SLC39A11: variants seen among roughly 807,000 people sequenced by gnomAD.
SLC39A11 encodes solute carrier family 39 member 11.
A neutral mutation model predicts 36.1 loss-of-function variants in SLC39A11; 33 were observed. The ratio of observed to expected loss-of-function variants is 0.91; its 90% CI spans 0.69 to 1.22. The LOEUF (loss-of-function observed/expected upper bound fraction) is 1.22. Ranked by LOEUF, SLC39A11 falls within the 50% of genes most tolerant of loss-of-function variation. The pLI is 0.00. For synonymous variants in SLC39A11, 166 were observed against 170.3 expected (o/e 0.97, Z 0.20); for missense variants, 432 against 430.3 (o/e 1.00, Z -0.03).
chr17:72,661,975 A>G (rs2070444311), intron 7 of SLC39A11, among the ~76,000 whole-genome samples: 2 of 152,178 alleles, frequency 1.3e-5, no homozygotes, highest in Non-Finnish European at 2.9e-5. Flanking sequence ...TCCCAGAGGA[A>G]TGCTCTGAAG....
chr17:72,993,306 C>T (rs994131369), intron 4 of SLC39A11, among the ~76,000 whole-genome samples: 4 of 152,268 alleles, frequency 2.6e-5, no homozygotes, highest in Non-Finnish European at 4.4e-5. Flanking sequence ...AAAATGGGAG[C>T]GTTTTATGTA....
chr17:72,857,841 T>C (rs1395919044), intron 5 of SLC39A11, among the ~76,000 whole-genome samples: 1 of 152,176 alleles, frequency 6.6e-6, no homozygotes, highest in Non-Finnish European at 1.5e-5. Flanking sequence ...TTCTTTCCTG[T>C]AATGTGTTTA....
In SLC39A11 at chr17:72,656,905, A is replaced by G. The variant is rs1407703223; in HGVS notation, c.672-7637T>C. ...ACACCTGTAATCCCGGCACTTTGGG[A>G]GGCTGAGGCAGGAGGACTGCTTGAG... On this transcript the variant is annotated intron_variant, in intron 7 of 9. Transcript: ENST00000255559. Among the ~76,000 whole-genome samples the G allele has an allele frequency of 2.6e-5, 4 of 151,768 alleles. No individual in the cohort carries two copies. The South Asian group carries it at 8.4e-4, about 32-fold the overall frequency.
chr17:72,919,048 G>T (rs977292005), intron 5 of SLC39A11, among the ~76,000 whole-genome samples: 1 of 152,180 alleles, frequency 6.6e-6, no homozygotes, highest in African/African-American at 2.4e-5. Context: ...GGGTGACCCA[G>T]TGAGACTCTG....
At chr17:72,902,811 A>G (rs1464815877) in intron 5 of SLC39A11, among the ~76,000 whole-genome samples, 1 of 152,182 alleles carries the variant, frequency 6.6e-6, no homozygotes, top group Non-Finnish European at 1.5e-5. Flanking sequence ...CCCTCTGCCC[A>G]GGAGGAACAC....
intron 6 of SLC39A11, among the ~76,000 whole-genome samples, chr17:72,754,695 G>A (rs547832233): frequency 2.8e-4 from 43 of 152,302 alleles, no homozygotes; most frequent in African/African-American, 9.1e-4. Context: ...CATGCCAGGA[G>A]CAAGTAGCAG....
chr17:72,949,152 T>A (rs1369371589), intron 4 of SLC39A11, among the ~76,000 whole-genome samples: 1 of 90,640 alleles, frequency 1.1e-5, no homozygotes, highest in African/African-American at 9.4e-5. Context: ...AGCTTTTTTT[T>A]TTTTTTTTTT....
chr17:73,043,695 G>A (rs1435564617), intron 3 of SLC39A11, among the ~76,000 whole-genome samples: 3 of 152,172 alleles, frequency 2.0e-5, no homozygotes, highest in Non-Finnish European at 2.9e-5. Context: ...CACAGGGCAG[G>A]AGACCAGAGA....
intron 4 of SLC39A11, among the ~76,000 whole-genome samples, chr17:72,985,046 G>T (rs1405686368): frequency 6.6e-6 from 1 of 152,196 alleles, no homozygotes; most frequent in East Asian, 1.9e-4. Flanking sequence ...CACACTAGGA[G>T]GCCCAGCCGG....
Position 72,949,144 on chromosome 17 carries a change from C to CTTTTTTTTTTTTTT in SLC39A11, c.307-1283_307-1270dup, listed in dbSNP as rs56036208. Among the ~76,000 whole-genome samples the CTTTTTTTTTTTTTT allele has an allele frequency of 5.7e-3, 209 of 36,510 alleles. 57 individuals are homozygous for CTTTTTTTTTTTTTT. Among genetic ancestry groups the CTTTTTTTTTTTTTT allele is most frequent in the East Asian group, 0.01 (9 of 866 alleles). 24.0% of individuals were successfully genotyped at this position (36,510 alleles called of 152,430 possible). On this transcript the variant is annotated intron_variant, in intron 4 of 9. Transcript: ENST00000255559. ...AAATAAAATACCATACACTGGGCAG[C>CTTTTTTTTTTTTTT]TTTTTTTTTTTTTTTTTTTTTTTTT...
chr17:72,918,495 G>A (rs997648781), intron 5 of SLC39A11, among the ~76,000 whole-genome samples: 21 of 152,170 alleles, frequency 1.4e-4, no homozygotes, highest in African/African-American at 5.1e-4. Flanking sequence ...TTCACACCTT[G>A]CACCCACCCA....
intron 6 of SLC39A11, among the ~76,000 whole-genome samples, chr17:72,763,256 C>T (rs1030772842): frequency 1.3e-5 from 2 of 152,158 alleles, no homozygotes. Context: ...ACATCAGTAA[C>T]ATTTAAAAGA....
At chr17:72,878,536 A>G (rs1275610326) in intron 5 of SLC39A11, among the ~76,000 whole-genome samples, 1 of 152,196 alleles carries the variant, frequency 6.6e-6, no homozygotes, top group African/African-American at 2.4e-5. Context: ...CTTTTGGCCA[A>G]CATCCTTCAG....
At chr17:72,665,398 T>TTTTTGTTTG (rs1555631660) in intron 7 of SLC39A11, among the ~76,000 whole-genome samples, 1 of 130,174 alleles carries the variant, frequency 7.7e-6, no homozygotes, top group Admixed American at 8.2e-5. Context: ...TGTTTTTTTT[T>TTTTTGTTTG]TTTTTTTTTT....
intron 7 of SLC39A11, among the ~76,000 whole-genome samples, chr17:72,651,456 A>T (rs1465029875): frequency 1.3e-5 from 2 of 152,206 alleles, no homozygotes; most frequent in Non-Finnish European, 2.9e-5. Flanking sequence ...ACAAGATCTG[A>T]TGTGGAGAGC....
intron 6 of SLC39A11, among the ~76,000 whole-genome samples, chr17:72,759,968 C>A: frequency 6.6e-6 from 1 of 152,104 alleles, no homozygotes; most frequent in Non-Finnish European, 1.5e-5. Flanking sequence ...GTCCAAATGT[C>A]TTAGGTCATG....
At chr17:72,919,481 CT>C (rs2083515740) in intron 5 of SLC39A11, among the ~76,000 whole-genome samples, 1 of 151,830 alleles carries the variant, frequency 6.6e-6, no homozygotes, top group Non-Finnish European at 1.5e-5. Flanking sequence ...AATTGATCTG[CT>C]TCCCAGAAGT....
intron 3 of SLC39A11, among the ~76,000 whole-genome samples, chr17:73,033,273 G>A (rs546416879): frequency 1.4e-4 from 22 of 152,304 alleles, no homozygotes; most frequent in African/African-American, 4.8e-4. Context: ...TCCATGGCCC[G>A]GGGATTGGGG....
chr17:72,914,817 G>A (rs924850810), intron 5 of SLC39A11, among the ~76,000 whole-genome samples: 1 of 151,194 alleles, frequency 6.6e-6, no homozygotes, highest in African/African-American at 2.4e-5. Context: ...GCAGTGAGCT[G>A]AGATGGCACC....
Sources: gnomAD v4.1 joint callset for allele counts (sites outside exome capture counted in the v4.1 genomes callset) on GRCh38, gnomAD v4.1.1 for gene constraint, MANE v1.5 for transcripts, NCBI Gene and HGNC (gene_info 2026-07-23, HGNC 2026-07-21) for gene names.